CPQ: variants seen among roughly 807,000 people sequenced by gnomAD.
CPQ encodes carboxypeptidase Q, also known as Ser-Met dipeptidase.
In CPQ, 37 loss-of-function variants were observed where a neutral mutation model predicts 45.7. That is an observed-to-expected ratio of 0.81 (90% CI 0.62 to 1.07). The LOEUF is 1.07. CPQ is among the 50% of genes least tolerant of loss of function. The pLI is 0.00. For missense variants in CPQ, 537 were observed against 572.9 expected, an observed-to-expected ratio of 0.94 and a Z score of 0.64; for synonymous variants, 186 against 205.8, an observed-to-expected ratio of 0.90 and a Z score of 0.82.
At chr8:96,769,487 C>G (rs1477462949) in intron 1 of CPQ, among the ~76,000 whole-genome samples, 3 of 152,120 alleles carry the variant, frequency 2.0e-5, no homozygotes, top group African/African-American at 7.2e-5. Flanking sequence ...CCAGGGCAGC[C>G]ACCCTCATGG....
At chr8:97,062,718 A>T (rs1193330009) in intron 6 of CPQ, among the ~76,000 whole-genome samples, 1 of 152,176 alleles carries the variant, frequency 6.6e-6, no homozygotes, top group Non-Finnish European at 1.5e-5. Context: ...AAGTGAGAAC[A>T]TGTGGTATTT....
chr8:96,857,738 C>A (rs1353397048), intron 3 of CPQ, among the ~76,000 whole-genome samples: 1 of 152,132 alleles, frequency 6.6e-6, no homozygotes, highest in East Asian at 1.9e-4. Context: ...CTTTTCTTGT[C>A]CCTGTGTTCC....
intron 1 of CPQ, among the ~76,000 whole-genome samples, chr8:96,738,112 T>A (rs1476305640): frequency 6.6e-6 from 1 of 152,174 alleles, no homozygotes; most frequent in Admixed American, 6.5e-5. Context: ...TCTCTGAAAT[T>A]TGTCAATATC....
chr8:96,661,597 C>T (rs952443879), intron 1 of CPQ, among the ~76,000 whole-genome samples: 1 of 152,180 alleles, frequency 6.6e-6, no homozygotes, highest in Non-Finnish European at 1.5e-5. Context: ...CTTCTCCTCC[C>T]TGTCTCTTTA....
chr8:97,040,366 G>A (rs1177289166), intron 6 of CPQ, among the ~76,000 whole-genome samples: 1 of 151,666 alleles, frequency 6.6e-6, no homozygotes, highest in African/African-American at 2.4e-5. Context: ...GGAGTTCATT[G>A]TAGATTCTGG....
rs535652139 is a variant in CPQ at position 96,801,365 on chromosome 8, T to C, written c.433+16035T>C. Among the ~76,000 whole-genome samples, 26 of 152,320 alleles carry C rather than the reference T, an allele frequency of 1.7e-4. No individual in the cohort carries two copies. In the South Asian group the frequency reaches 5.0e-3, roughly 29 times the overall value. On this transcript the variant is annotated intron_variant, in intron 2 of 7. Coordinates refer to ENST00000220763, the MANE Select transcript of CPQ (RefSeq NM_016134.4). ...GATAATTTATTACTTACTTCAAGCA[T>C]AAAGGAGGCCACTTCTCTTTTACTC...
chr8:96,689,750 T>A (rs1332973134), intron 1 of CPQ, among the ~76,000 whole-genome samples: 1 of 152,170 alleles, frequency 6.6e-6, no homozygotes, highest in Non-Finnish European at 1.5e-5. Context: ...GTTGTACATA[T>A]GCTTGATTTC....
intron 1 of CPQ, among the ~76,000 whole-genome samples, chr8:96,730,813 T>G (rs1480990680): frequency 7.0e-6 from 1 of 143,466 alleles, no homozygotes; most frequent in African/African-American, 2.6e-5. Context: ...CAAGTAATTC[T>G]AATGAGTATC....
rs1466605334 is a variant in CPQ, at chr8:97,022,976, CTGTATATAG to C, written c.962-6425_962-6417del. Among the ~76,000 whole-genome samples, 217 of 146,370 alleles carry C rather than the reference CTGTATATAG, an allele frequency of 1.5e-3. 3 individuals are homozygous for C. The highest frequency in any genetic ancestry group is 0.011 in the Admixed American group (168 of 14,614). On this transcript the variant is annotated intron_variant, in intron 5 of 7. Coordinates refer to ENST00000220763, the MANE Select transcript of CPQ (RefSeq NM_016134.4). Reference sequence around the variant, plus strand: ...GCAATTCCAAAAACATATATATATACTGTATATAGTATATATATACAGTATATATATACT... The same window carrying C: ...GCAATTCCAAAAACATATATATATACTATATATATACAGTATATATATACT...
Position 96,854,423 on chromosome 8 carries a change from T to C in CPQ, c.641+19243T>C, listed in dbSNP as rs1173586058. ...GCGGGCGCCTGTAGTCCCAGCTACT[T>C]GGGAGGCTGAGGCAGGAGAATGGCG... On this transcript the variant is annotated intron_variant, in intron 3 of 7. Transcript: ENST00000220763. 8.9e-5 allele frequency among the ~76,000 whole-genome samples: 13 copies of C among 146,452 alleles called. No homozygotes were observed. In the East Asian group the frequency reaches 1.0e-3, roughly 11 times the overall value.
At chr8:96,969,257 T>G (rs973744843) in intron 5 of CPQ, among the ~76,000 whole-genome samples, 4 of 152,246 alleles carry the variant, frequency 2.6e-5, no homozygotes, top group African/African-American at 9.6e-5. Context: ...CTATAGAGCT[T>G]GAAAGTCTAT....
rs183779306 is a variant in CPQ, at chr8:96,649,069, C to T, written c.-35+3667C>T. ...AGATCTCACTGCGACTTCCGCCTCC[C>T]GGTTCAAGTGATTCTCCTGCCTCAG... is the stretch of plus-strand genomic sequence containing the variant. On this transcript the variant is annotated intron_variant, in intron 1 of 7. Transcript: ENST00000220763. 1.9e-3 allele frequency among the ~76,000 whole-genome samples: 282 copies of T among 152,356 alleles called. 4 individuals carry two copies. Among genetic ancestry groups the T allele is most frequent in the Admixed American group, 0.013 (196 of 15,308 alleles).
At chr8:96,759,700 G>A (rs1449376204) in intron 1 of CPQ, among the ~76,000 whole-genome samples, 2 of 152,020 alleles carry the variant, frequency 1.3e-5, no homozygotes, top group South Asian at 4.1e-4. Context: ...ACATTTAAGC[G>A]ACTTGTCCAA....
chr8:96,798,560 G>A (rs1015526804), intron 2 of CPQ, among the ~76,000 whole-genome samples: 1 of 151,978 alleles, frequency 6.6e-6, no homozygotes, highest in Non-Finnish European at 1.5e-5. Flanking sequence ...CAGCCACATG[G>A]GGTCTATTTG....
intron 1 of CPQ, among the ~76,000 whole-genome samples, chr8:96,742,710 T>G (rs1399699495): frequency 6.6e-6 from 1 of 152,144 alleles, no homozygotes; most frequent in Non-Finnish European, 1.5e-5. Context: ...GTCTGTAAAG[T>G]ATTTTATTTC....
intron 7 of CPQ, among the ~76,000 whole-genome samples, chr8:97,109,342 GT>G (rs1811462727): frequency 6.6e-6 from 1 of 152,124 alleles, no homozygotes; most frequent in Admixed American, 6.5e-5. Flanking sequence ...ATTCTCTATA[GT>G]GCTGTGTTCT....
At chr8:96,848,051 G>A (rs1811722683) in intron 3 of CPQ, among the ~76,000 whole-genome samples, 1 of 151,958 alleles carries the variant, frequency 6.6e-6, no homozygotes, top group South Asian at 2.1e-4. Context: ...GTCATCAGTG[G>A]TTGTGAAGGG....
chr8:97,042,649 T>C (rs1810150917), intron 6 of CPQ, among the ~76,000 whole-genome samples: 2 of 151,912 alleles, frequency 1.3e-5, no homozygotes, highest in African/African-American at 4.8e-5. Context: ...CTCTACACAC[T>C]GCTTTGGATG....
chr8:97,056,123 C>G (rs774579321), intron 6 of CPQ, among the ~76,000 whole-genome samples: 4 of 152,064 alleles, frequency 2.6e-5, no homozygotes, highest in Non-Finnish European at 4.4e-5. Flanking sequence ...CACACACACA[C>G]ACACACACAA....
Sources: allele counts gnomAD v4.1 joint callset (sites outside exome capture counted in the v4.1 genomes callset), GRCh38; gene constraint gnomAD v4.1.1; transcripts MANE v1.5; gene names NCBI Gene and HGNC (gene_info 2026-07-23, HGNC 2026-07-21).